Variants in MACO1 observed in about 807,000 individuals in gnomAD.
The protein encoded by MACO1 is macoilin 1.
A neutral mutation model predicts 78.7 loss-of-function variants in MACO1; 14 were observed. That is an observed-to-expected ratio of 0.18 (90% CI 0.12 to 0.28). MACO1 has a LOEUF of 0.28. MACO1 is among the 10% of genes least tolerant of loss of function. The pLI, the probability that MACO1 is intolerant of heterozygous loss-of-function variation, is 1.00. For missense variants in MACO1, 501 were observed against 799.0 expected, an observed-to-expected ratio of 0.63 and a Z score of 4.50; for synonymous variants, 288 against 291.6, an observed-to-expected ratio of 0.99 and a Z score of 0.12.
chr1:25,488,691 G>A (rs2043456484), intron 8 of MACO1, among the ~76,000 whole-genome samples: 2 of 151,948 alleles, frequency 1.3e-5, no homozygotes, highest in Admixed American at 6.6e-5. Flanking sequence ...CACTGTGTTG[G>A]CCAGGCTGGT....
At chr1:25,493,889 AC>A (rs1435741610) in intron 10 of MACO1, among the ~76,000 whole-genome samples, 1 of 151,238 alleles carries the variant, frequency 6.6e-6, no homozygotes, top group Admixed American at 6.6e-5. Context: ...CCGCCACCAC[AC>A]CCGGCTAATT....
At chr1:25,452,400 G>T (rs560723926) in intron 3 of MACO1, among the ~76,000 whole-genome samples, 70 of 152,150 alleles carry the variant, frequency 4.6e-4, no homozygotes, top group African/African-American at 1.6e-3. Context: ...ATCTTATTTT[G>T]TTGCAAGTTG....
intron 1 of MACO1, among the ~76,000 whole-genome samples, chr1:25,434,818 A>G (rs552808424): frequency 1.3e-5 from 2 of 152,254 alleles, no homozygotes; most frequent in South Asian, 4.1e-4. Flanking sequence ...GCCTAGACAC[A>G]TGTGCACCAG....
At position 25,491,545 on chromosome 1, in the gene MACO1, G is replaced by A. The variant is rs1425132250; in HGVS notation, c.1753G>A (p.Ala585Thr). The A allele has an allele frequency of 1.2e-6, 2 of 1,614,190 alleles. No homozygotes were observed. Among genetic ancestry groups the A allele is most frequent in the Non-Finnish European group, 1.7e-6 (2 of 1,180,034 alleles). The change falls in exon 10 of 11, where the codon GCA (alanine) becomes ACA (threonine). Residue 585 changes from alanine (A) to threonine (T), a missense_variant. Physicochemically the swap from Ala to Thr is moderately conservative, Grantham distance 58 (BLOSUM62 0). Transcript: ENST00000374343. ...GAGAATCAAGCTGGACCTGTTCTCC[G>A]CACTGGGCGATGCAAAGCGGCAGCT... Reference protein sequence around the residue: ...ETRIKLDLFSALGDAKRQLEI... With the variant: ...ETRIKLDLFSTLGDAKRQLEI...
At chr1:25,494,750 A>G (rs935992391) in intron 10 of MACO1, among the ~76,000 whole-genome samples, 1 of 152,156 alleles carries the variant, frequency 6.6e-6, no homozygotes, top group African/African-American at 2.4e-5. Context: ...GTTGGAACCA[A>G]GGAAGGGAGA....
chr1:25,462,343 G>A (rs2043179446), intron 6 of MACO1, among the ~76,000 whole-genome samples: 1 of 151,698 alleles, frequency 6.6e-6, no homozygotes, highest in South Asian at 2.1e-4. Context: ...ATGCAGGTTT[G>A]TTGCAAGGGC....
intron 6 of MACO1, 110 bp from the exon 7 acceptor site, chr1:25,484,005 CG>C: frequency 1.8e-6 from 2 of 1,088,792 alleles, no homozygotes; most frequent in Non-Finnish European, 2.6e-6. Context: ...GAACTGCCAG[CG>C]GGGTCCTTTT....
intron 7 of MACO1, among the ~76,000 whole-genome samples, chr1:25,484,508 A>G (rs1348933314): frequency 1.3e-5 from 2 of 152,252 alleles, no homozygotes; most frequent in Non-Finnish European, 2.9e-5. Flanking sequence ...GTCTTCTCTC[A>G]TTTAATAACT....
chr1:25,468,629 C>T lies in MACO1; in HGVS notation c.1154+9737C>T, dbSNP rs532350002. Among the ~76,000 whole-genome samples the T allele has an allele frequency of 9.9e-5, 15 of 152,260 alleles. No individual in the cohort carries two copies. The South Asian group carries it at 3.1e-3, about 32-fold the overall frequency. ...TCCAAATTCATTTGGTTATTTTAGG[C>T]ACATCAAAATGATATTACTTATAAC... On this transcript the variant is annotated intron_variant, in intron 6 of 10. Transcript: ENST00000374343.
At chr1:25,461,985 C>T (rs1221536159) in intron 6 of MACO1, among the ~76,000 whole-genome samples, 1 of 152,174 alleles carries the variant, frequency 6.6e-6, no homozygotes, top group Non-Finnish European at 1.5e-5. Context: ...TATCTTACTT[C>T]CTCCCACCCT....
chr1:25,482,292 T>C (rs533810854), intron 6 of MACO1, among the ~76,000 whole-genome samples: 1 of 152,282 alleles, frequency 6.6e-6, no homozygotes, highest in African/African-American at 2.4e-5. Context: ...ATGAAAGTAA[T>C]AACTACAAAA....
rs76851804 is a variant in MACO1, at chr1:25,455,660, A to C, written c.474-993A>C. ...TTTAACTTTCTATCCCAGAGATTAGAGTTCTAAGTACAGCTGGTTTAATTT... is the reference window on the plus strand; with the variant it reads ...TTTAACTTTCTATCCCAGAGATTAGCGTTCTAAGTACAGCTGGTTTAATTT... On this transcript the variant is annotated intron_variant, in intron 4 of 10. Transcript: ENST00000374343. Among the ~76,000 whole-genome samples, 1,407 of 152,298 alleles carry C rather than the reference A, an allele frequency of 9.2e-3. 20 individuals carry two copies. Among genetic ancestry groups the C allele is most frequent in the African/African-American group, 0.031 (1,288 of 41,558 alleles).
chr1:25,476,832 C>A (rs1161807442), intron 6 of MACO1, among the ~76,000 whole-genome samples: 1 of 152,192 alleles, frequency 6.6e-6, no homozygotes, highest in Non-Finnish European at 1.5e-5. Context: ...CTGTTCCCTT[C>A]AGCCACTATT....
rs139593783 is a variant in MACO1, at chr1:25,484,498, G to A, written c.1313+224G>A. ...ACAGTTTATTAATATTACTGTTTTT[G>A]TCTTCTCTCATTTAATAACTTCTTA... On this transcript the variant is annotated intron_variant, in intron 7 of 10. Transcript: ENST00000374343. 2.2e-3 allele frequency among the ~76,000 whole-genome samples: 333 copies of A among 152,212 alleles called. 2 individuals are homozygous for A. The highest frequency in any genetic ancestry group is 6.4e-3 in the African/African-American group (267 of 41,538).
At chr1:25,493,330 C>T (rs978050493) in intron 10 of MACO1, among the ~76,000 whole-genome samples, 3 of 152,116 alleles carry the variant, frequency 2.0e-5, no homozygotes, top group Non-Finnish European at 2.9e-5. Flanking sequence ...CCTCGACCTT[C>T]TGGGTTCAAG....
intron 10 of MACO1, among the ~76,000 whole-genome samples, chr1:25,496,391 A>C (rs888436367): frequency 3.3e-5 from 5 of 151,972 alleles, no homozygotes; most frequent in African/African-American, 1.2e-4. Context: ...CAAGCAGTCC[A>C]CCCACCGCGG....
At chr1:25,491,728 T>C (rs1571992001) in intron 10 of MACO1, 144 bp downstream of exon 10, 2 of 635,310 alleles carry the variant, frequency 3.1e-6, no homozygotes, top group African/African-American at 3.7e-5. Context: ...CATTGAAATA[T>C]AGGAACCATC....
At chr1:25,440,254 C>T (rs891078103) in intron 1 of MACO1, among the ~76,000 whole-genome samples, 76 of 148,738 alleles carry the variant, frequency 5.1e-4, no homozygotes, top group African/African-American at 1.9e-3. Context: ...AAAAAATTAG[C>T]CAAGCATGGT....
At chr1:25,462,288 C>A (rs75313981) in intron 6 of MACO1, among the ~76,000 whole-genome samples, 13 of 152,000 alleles carry the variant, frequency 8.6e-5, no homozygotes, top group Admixed American at 7.2e-4. Context: ...ACTGATCTCT[C>A]CTTTTTTTTT....
Sources: allele counts gnomAD v4.1 joint callset (sites outside exome capture counted in the v4.1 genomes callset), GRCh38; gene constraint gnomAD v4.1.1; transcripts MANE v1.5; gene names NCBI Gene and HGNC (gene_info 2026-07-23, HGNC 2026-07-21).